The following TBL1X variants were observed in gnomAD, a reference collection of about 807,000 sequenced individuals.
TBL1X encodes F-box-like/WD repeat-containing protein TBL1X.
TBL1X carries 10 observed loss-of-function variants against 50.7 expected under a neutral mutation model. The observed-to-expected ratio is 0.20, with a 90% confidence interval of 0.12 to 0.33. The LOEUF is 0.33. Among genes scored for constraint, TBL1X ranks in the 10% least tolerant of loss-of-function variants. The probability of loss-of-function intolerance (pLI) is 1.00; values close to 1 mark genes in which losing one functional copy is unlikely to be tolerated. For synonymous variants in TBL1X, 190 were observed against 214.7 expected (o/e 0.88, Z 1.01); for missense variants, 340 against 504.4 (o/e 0.67, Z 3.12).
chrX:9,605,369 TTC>T (rs1157885629), intron 2 of TBL1X, among the ~76,000 whole-genome samples: 5 of 112,385 alleles, frequency 4.4e-5, no homozygotes, highest in Admixed American at 1.9e-4. Flanking sequence ...AAAATTTCAA[TTC>T]TGTTACATGA....
At chrX:9,667,869 A>T (rs1476838174) in intron 5 of TBL1X, among the ~76,000 whole-genome samples, 1 of 111,662 alleles carries the variant, frequency 9.0e-6, no homozygotes, top group South Asian at 3.8e-4. Context: ...GTGACCTGGG[A>T]TTCTATTTTG....
chrX:9,484,980 C>G (rs747106699), intron 1 of TBL1X, among the ~76,000 whole-genome samples: 137 of 108,907 alleles, frequency 1.3e-3, no homozygotes, highest in South Asian at 8.5e-3. Context: ...CCCAGCTTCT[C>G]GAGAGGCTGC....
At chrX:9,610,137 G>T (rs2082606217) in intron 2 of TBL1X, among the ~76,000 whole-genome samples, 1 of 112,006 alleles carries the variant, frequency 8.9e-6, no homozygotes, top group African/African-American at 3.3e-5. Flanking sequence ...CCTAGGTGGG[G>T]CCTACCAGGG....
Position 9,517,913 on chromosome X carries a change from C to CT in TBL1X, c.-131+16065dup, listed in dbSNP as rs771803723. Among the ~76,000 whole-genome samples, 411 of 110,810 alleles carry CT rather than the reference C, an allele frequency of 3.7e-3. 1 individual carries two copies. Among genetic ancestry groups the CT allele is most frequent in the Middle Eastern group, 0.014 (3 of 216 alleles). On this transcript the variant is annotated intron_variant, in intron 2 of 17. Transcript: ENST00000645353. ...TGAGCCCAAGGAGTTCAAGACCAGC[C>CT]TAGGCAACATAGCAAGACCTTGTCT...
At chrX:9,512,711 C>T (rs1182907135) in intron 2 of TBL1X, among the ~76,000 whole-genome samples, 2 of 110,946 alleles carry the variant, frequency 1.8e-5, no homozygotes, top group Admixed American at 1.9e-4. Flanking sequence ...GTTGGCCAGG[C>T]TGGTCTTGAA....
At chrX:9,491,338 A>ATTTTTTTT (rs1157943868) in intron 1 of TBL1X, among the ~76,000 whole-genome samples, 2 of 31,310 alleles carry the variant, frequency 6.4e-5, no homozygotes, top group African/African-American at 2.3e-4. Context: ...ATATATATAT[A>ATTTTTTTT]TTTTTTTTTT....
intron 5 of TBL1X, among the ~76,000 whole-genome samples, chrX:9,663,032 G>T (rs1478598805): frequency 9.0e-6 from 1 of 111,398 alleles, no homozygotes; most frequent in African/African-American, 3.3e-5. Flanking sequence ...TTAGGGGGAG[G>T]TCATGGTATT....
intron 2 of TBL1X, among the ~76,000 whole-genome samples, chrX:9,609,336 G>GGGGTGTGTGGGT (rs1555900202): frequency 1.1e-5 from 1 of 94,774 alleles, no homozygotes; most frequent in African/African-American, 4.1e-5. Flanking sequence ...TTTTCTTCCA[G>GGGGTGTGTGGGT]GTGTGTGTGT....
intron 2 of TBL1X, among the ~76,000 whole-genome samples, chrX:9,526,498 C>T (rs1203692277): frequency 9.0e-6 from 1 of 111,034 alleles, no homozygotes; most frequent in African/African-American, 3.3e-5. Context: ...AACGACTTGC[C>T]CGGGGTCCCT....
intron 1 of TBL1X, among the ~76,000 whole-genome samples, chrX:9,470,137 A>G (rs1303740245): frequency 8.9e-6 from 1 of 112,224 alleles, no homozygotes; most frequent in Non-Finnish European, 1.9e-5. Context: ...AGGTGTATAT[A>G]TTTATGGGGT....
intron 2 of TBL1X, among the ~76,000 whole-genome samples, chrX:9,618,231 C>T (rs1394390519): frequency 9.0e-6 from 1 of 111,286 alleles, no homozygotes; most frequent in African/African-American, 3.3e-5. Flanking sequence ...TGCATGATAC[C>T]CTGGAGCCCA....
intron 6 of TBL1X, among the ~76,000 whole-genome samples, chrX:9,685,162 T>G (rs886882387): frequency 1.8e-5 from 2 of 112,296 alleles, no homozygotes; most frequent in Non-Finnish European, 3.8e-5. Flanking sequence ...TATACCAATT[T>G]TGGTTTTAAA....
chrX:9,659,325 C>T (rs1414633680), intron 5 of TBL1X, among the ~76,000 whole-genome samples: 1 of 112,032 alleles, frequency 8.9e-6, no homozygotes, highest in African/African-American at 3.2e-5. Flanking sequence ...AGAGTTTTGC[C>T]CTTGCAAGAA....
chrX:9,512,674 G>T (rs1436688503), intron 2 of TBL1X, among the ~76,000 whole-genome samples: 2 of 110,134 alleles, frequency 1.8e-5, no homozygotes, highest in Non-Finnish European at 3.8e-5. Flanking sequence ...ATTTTTTGTA[G>T]TTTTGGTAGA....
chrX:9,684,018 C>A (rs775177007), intron 5 of TBL1X, 25 bp from the exon 6 acceptor site: 3 of 1,209,834 alleles, frequency 2.5e-6, no homozygotes, highest in Middle Eastern at 2.3e-4. Context: ...TCTCACTCAA[C>A]CTCAGCTTTC....
intron 5 of TBL1X, among the ~76,000 whole-genome samples, chrX:9,666,132 T>C (rs2082929397): frequency 9.0e-6 from 1 of 111,727 alleles, no homozygotes; most frequent in Non-Finnish European, 1.9e-5. Flanking sequence ...TGCATTCCCC[T>C]CTTTTTGGGG....
Position 9,708,703 on chromosome X carries a change from CAAAAAA to C in TBL1X, c.1237-529_1237-524del, listed in dbSNP as rs35805085. Among the ~76,000 whole-genome samples the C allele has an allele frequency of 3.3e-4, 24 of 72,196 alleles. No homozygotes were observed. In the South Asian group the frequency reaches 7.7e-3, roughly 23 times the overall value. The allele number at this position is 72,196 out of a possible 115,157, so 62.7% of individuals were successfully genotyped here. On this transcript the variant is annotated intron_variant, in intron 13 of 17. Coordinates refer to ENST00000645353, the MANE Select transcript of TBL1X (RefSeq NM_005647.4). Reference sequence around the variant, plus strand: ...TCAAGACCAGCTTGGGCAAAAATCCCAAAAAAAAAAAAAAAAAAAAAGGGCATGGTG... The same window carrying C: ...TCAAGACCAGCTTGGGCAAAAATCCCAAAAAAAAAAAAAAAGGGCATGGTG...
chrX:9,519,522 G>C (rs1335948946), intron 2 of TBL1X, among the ~76,000 whole-genome samples: 1 of 112,360 alleles, frequency 8.9e-6, no homozygotes, highest in East Asian at 2.8e-4. Context: ...TAGTTTCTAG[G>C]AGAAAAACAT....
chrX:9,577,324 A>G (rs2082417643), intron 2 of TBL1X, among the ~76,000 whole-genome samples: 1 of 111,993 alleles, frequency 8.9e-6, no homozygotes, highest in Non-Finnish European at 1.9e-5. Flanking sequence ...GCCAGAGCAG[A>G]CAGATGAACA....
Sources: allele counts gnomAD v4.1 joint callset (sites outside exome capture counted in the v4.1 genomes callset), GRCh38; gene constraint gnomAD v4.1.1; transcripts MANE v1.5; gene names NCBI Gene and HGNC (gene_info 2026-07-23, HGNC 2026-07-21).